VPS13A: variants seen among roughly 807,000 people sequenced by gnomAD.
The protein encoded by VPS13A is intermembrane lipid transfer protein VPS13A.
Under a neutral mutation model 390.9 loss-of-function variants are expected in VPS13A, and 264 were observed. The observed-to-expected ratio is 0.68, with a 90% CI of 0.61 to 0.75. The LOEUF is 0.75. Among genes scored for constraint, VPS13A ranks in the 30% least tolerant of loss-of-function variants. The probability of loss-of-function intolerance (pLI) is 0.00; values close to 1 mark genes in which losing one functional copy is unlikely to be tolerated. For missense variants in VPS13A, 3,409 were observed against 3,733.9 expected (o/e 0.91, Z 2.27); for synonymous variants, 1,231 against 1,227.1 (o/e 1.00, Z -0.07).
intron 50 of VPS13A, among the ~76,000 whole-genome samples, chr9:77,340,929 T>C (rs780788316): frequency 6.6e-6 from 1 of 152,170 alleles, no homozygotes; most frequent in South Asian, 2.1e-4. Flanking sequence ...TTCAAGTTAT[T>C]TGAGGAGAGT....
At chr9:77,189,603 A>G (rs898955934) in intron 1 of VPS13A, among the ~76,000 whole-genome samples, 1 of 152,166 alleles carries the variant, frequency 6.6e-6, no homozygotes, top group Non-Finnish European at 1.5e-5. Context: ...TTGGGCCAGT[A>G]TGAATTTTAA....
intron 13 of VPS13A, among the ~76,000 whole-genome samples, chr9:77,223,023 C>CCATA (rs1477258971): frequency 3.5e-4 from 54 of 152,286 alleles, no homozygotes; most frequent in South Asian, 1.0e-3. Context: ...TTCTCTATGT[C>CCATA]AGTTTCCTTT....
At chr9:77,182,913 A>G (rs535946219) in intron 1 of VPS13A, among the ~76,000 whole-genome samples, 69 of 152,348 alleles carry the variant, frequency 4.5e-4, no homozygotes, top group African/African-American at 1.5e-3. Flanking sequence ...TACCGCCATG[A>G]TACCAGAAGC....
intron 26 of VPS13A, among the ~76,000 whole-genome samples, chr9:77,279,566 G>A (rs1216625926): frequency 4.6e-5 from 7 of 152,002 alleles, no homozygotes; most frequent in South Asian, 4.1e-4. Flanking sequence ...GCTTGTTCTC[G>A]TTTAGGGCCT....
At chr9:77,192,600 G>A (rs368918533) in intron 1 of VPS13A, among the ~76,000 whole-genome samples, 85 of 152,242 alleles carry the variant, frequency 5.6e-4, no homozygotes, top group African/African-American at 1.9e-3. Context: ...CACTTATGAA[G>A]TTTAGTTTGG....
intron 68 of VPS13A, chr9:77,384,991 T>G (rs1833619924): frequency 9.3e-7 from 1 of 1,074,926 alleles, no homozygotes; most frequent in Admixed American, 4.8e-5. Flanking sequence ...TGTTCACTGG[T>G]TTTATTTTAA....
rs1443625076 is a variant in VPS13A at position 77,239,694 on chromosome 9, A to G, written c.1900+1308A>G. 2.6e-5 allele frequency among the ~76,000 whole-genome samples: 4 copies of G among 151,816 alleles called. No homozygotes were observed. In the East Asian group the frequency reaches 5.8e-4, roughly 22 times the overall value. ...TTTATGGTCCTTATTTTTTATTTAT[A>G]TCTACTTTTTGCATTTAATTAATTT... On this transcript the variant is annotated intron_variant, in intron 19 of 71. Transcript: ENST00000360280.
intron 17 of VPS13A, 113 bp from the exon 18 acceptor site, chr9:77,237,889 A>T: frequency 2.7e-6 from 2 of 739,756 alleles, no homozygotes; most frequent in South Asian, 1.7e-5. Context: ...AATGGACTGG[A>T]GTCAGAAATG....
intron 56 of VPS13A, 48 bp downstream of exon 56, chr9:77,357,886 A>G (rs780791519): frequency 1.9e-6 from 3 of 1,560,112 alleles, no homozygotes; most frequent in Non-Finnish European, 2.6e-6. Flanking sequence ...AAAGGAATGC[A>G]ATAAGAAACC....
intron 67 of VPS13A, among the ~76,000 whole-genome samples, chr9:77,376,842 A>G (rs1833105815): frequency 6.6e-6 from 1 of 152,172 alleles, no homozygotes; most frequent in Non-Finnish European, 1.5e-5. Flanking sequence ...CTGAAAAGAG[A>G]AAAATAAGGT....
chr9:77,358,253 G>T, intron 56 of VPS13A, 104 bp from the exon 57 acceptor site: 1 of 1,042,006 alleles, frequency 9.6e-7, no homozygotes, highest in Non-Finnish European at 1.5e-6. Context: ...ACCGTGCTTG[G>T]TCACCGCTAG....
At chr9:77,371,689 G>C (rs948585110) in intron 67 of VPS13A, among the ~76,000 whole-genome samples, 1 of 151,372 alleles carries the variant, frequency 6.6e-6, no homozygotes, top group South Asian at 2.1e-4. Context: ...TAAGTTTTAG[G>C]GTACATGTGC....
At chr9:77,294,879 AT>A (rs886280606) in intron 32 of VPS13A, among the ~76,000 whole-genome samples, 3 of 149,986 alleles carry the variant, frequency 2.0e-5, no homozygotes, top group Non-Finnish European at 4.5e-5. Context: ...TTTATTTTTA[AT>A]TTTTTTTTTA....
chr9:77,274,140 C>T (rs1342923643), intron 24 of VPS13A, among the ~76,000 whole-genome samples: 2 of 151,988 alleles, frequency 1.3e-5, no homozygotes, highest in Non-Finnish European at 2.9e-5. Context: ...CAGAAAATGA[C>T]AAGGACCAGC....
intron 59 of VPS13A, among the ~76,000 whole-genome samples, chr9:77,363,622 GT>G (rs113111229): frequency 0.23 from 35,290 of 151,592 alleles, 4,442 homozygotes; most frequent in African/African-American, 0.3. Flanking sequence ...ATGTTTCTGT[GT>G]TTTTTTGTTC....
intron 68 of VPS13A, 95 bp downstream of exon 68, chr9:77,382,182 T>C: frequency 1.5e-6 from 2 of 1,330,884 alleles, no homozygotes; most frequent in Non-Finnish European, 2.0e-6. Context: ...ATTTGGGCTT[T>C]TATCTATTTT....
At chr9:77,224,574 T>TACGAAGAGAACTA (rs1446716237) in intron 13 of VPS13A, among the ~76,000 whole-genome samples, 4 of 152,158 alleles carry the variant, frequency 2.6e-5, no homozygotes, top group Non-Finnish European at 5.9e-5. Flanking sequence ...GAACTAGAAG[T>TACGAAGAGAACTA]GGAGCCTGAA....
intron 67 of VPS13A, among the ~76,000 whole-genome samples, chr9:77,377,204 T>G (rs1391575079): frequency 1.2e-4 from 5 of 41,820 alleles, no homozygotes; most frequent in Non-Finnish European, 1.7e-4. Context: ...TTTGATGCTG[T>G]TTTTTTTTTT....
chr9:77,252,475 G>C, intron 22 of VPS13A, 123 bp downstream of exon 22: 1 of 846,406 alleles, frequency 1.2e-6, no homozygotes, highest in South Asian at 1.3e-5. Context: ...ACTCTTCCTT[G>C]TGTGTGTGGT....
Sources: allele counts gnomAD v4.1 joint callset (sites outside exome capture counted in the v4.1 genomes callset), GRCh38; gene constraint gnomAD v4.1.1; transcripts MANE v1.5; gene names NCBI Gene and HGNC (gene_info 2026-07-23, HGNC 2026-07-21).